AIDA: variants seen among roughly 807,000 people sequenced by gnomAD.
AIDA encodes the protein axin interactor, dorsalization associated.
A neutral mutation model predicts 42.7 loss-of-function variants in AIDA; 18 were observed. That is an observed-to-expected ratio of 0.42 (90% CI 0.29 to 0.63). The LOEUF (loss-of-function observed/expected upper bound fraction) is 0.63. Ranked by LOEUF, AIDA falls within the 20% of genes least tolerant of loss-of-function variation. The pLI is 0.19. For synonymous variants in AIDA, 104 were observed against 122.9 expected, an observed-to-expected ratio of 0.85 and a Z score of 1.02; for missense variants, 250 against 354.1, an observed-to-expected ratio of 0.71 and a Z score of 2.36.
intron 1 of AIDA, among the ~76,000 whole-genome samples, chr1:222,711,107 G>T (rs1468806694): frequency 1.3e-5 from 2 of 150,592 alleles, no homozygotes; most frequent in African/African-American, 4.9e-5. Flanking sequence ...GGGTGGGGGA[G>T]GCCGGGGGTA....
chr1:222,675,093 T>C (rs1462760151), intron 7 of AIDA, among the ~76,000 whole-genome samples: 3 of 152,184 alleles, frequency 2.0e-5, no homozygotes, highest in Non-Finnish European at 4.4e-5. Flanking sequence ...ATAATCCCTC[T>C]CTGTGGCAGA....
At chr1:222,691,494 T>A (rs1430738201) in intron 4 of AIDA, among the ~76,000 whole-genome samples, 1 of 152,138 alleles carries the variant, frequency 6.6e-6, no homozygotes, top group Non-Finnish European at 1.5e-5. Context: ...AAAGTACAAG[T>A]ATAAACCTAC....
intron 8 of AIDA, among the ~76,000 whole-genome samples, chr1:222,670,499 G>C (rs1300722365): frequency 1.3e-5 from 2 of 152,110 alleles, no homozygotes; most frequent in African/African-American, 2.4e-5. Flanking sequence ...TCTTGAGCTA[G>C]ACTGCCTCAA....
intron 6 of AIDA, among the ~76,000 whole-genome samples, chr1:222,682,303 A>C (rs1434447843): frequency 1.3e-5 from 2 of 152,152 alleles, no homozygotes; most frequent in Admixed American, 6.5e-5. Flanking sequence ...CAGAACGTTA[A>C]AGAGGCAATG....
intron 6 of AIDA, among the ~76,000 whole-genome samples, chr1:222,677,537 G>A (rs914567749): frequency 1.3e-5 from 2 of 152,126 alleles, no homozygotes; most frequent in African/African-American, 4.8e-5. Flanking sequence ...AAATATGACT[G>A]AGGCGCTAAA....
chr1:222,668,644 G>T lies in AIDA; in HGVS notation c.*1249C>A, dbSNP rs1420534648. The T allele has an allele frequency of 1.1e-5, 1 of 90,404 alleles. No homozygotes were observed. Among genetic ancestry groups the T allele is most frequent in the Non-Finnish European group, 2.2e-5 (1 of 45,996 alleles). 5.6% of individuals were successfully genotyped at this position (90,404 alleles called of 1,614,324 possible). A position where few individuals can be genotyped will look rare whatever the true frequency, so the allele number is the denominator to read the frequency against. On this transcript the variant is annotated 3_prime_UTR_variant, in exon 10 of 10. Coordinates refer to ENST00000340020, the MANE Select transcript of AIDA (RefSeq NM_022831.4). ...AAACATACTGAATGGTATGACTAGG[G>T]TGATTACACTAGTTTAAAAATAGGC...
At chr1:222,694,460 A>G (rs1050400552) in intron 2 of AIDA, among the ~76,000 whole-genome samples, 197 bp from the exon 3 acceptor site, 1 of 152,214 alleles carries the variant, frequency 6.6e-6, no homozygotes, top group Non-Finnish European at 1.5e-5. Flanking sequence ...AGGTGAGTAT[A>G]TATTCTCCCC....
intron 9 of AIDA, 53 bp from the exon 10 acceptor site, chr1:222,670,042 T>C: frequency 1.2e-6 from 2 of 1,612,082 alleles, no homozygotes; most frequent in Non-Finnish European, 1.7e-6. Context: ...AACTGAACTC[T>C]TCAAGGTTAA....
At chr1:222,703,905 G>C (rs979633188) in intron 1 of AIDA, among the ~76,000 whole-genome samples, 12 of 152,098 alleles carry the variant, frequency 7.9e-5, no homozygotes, top group Non-Finnish European at 1.6e-4. Context: ...GTATAGTTTA[G>C]TTTGTAAAAG....
intron 8 of AIDA, among the ~76,000 whole-genome samples, chr1:222,673,012 C>G (rs984471805): frequency 6.6e-6 from 1 of 152,212 alleles, no homozygotes; most frequent in African/African-American, 2.4e-5. Context: ...CATCAGGGAA[C>G]CTTCACGCAC....
intron 2 of AIDA, among the ~76,000 whole-genome samples, chr1:222,694,796 G>A (rs965119292): frequency 1.3e-5 from 2 of 152,084 alleles, no homozygotes; most frequent in East Asian, 3.8e-4. Context: ...TTAATGATAG[G>A]GCATAGATAG....
intron 1 of AIDA, among the ~76,000 whole-genome samples, chr1:222,710,600 C>CTA (rs1417403550): frequency 6.6e-6 from 1 of 152,164 alleles, no homozygotes; most frequent in African/African-American, 2.4e-5. Flanking sequence ...TACTAATTGG[C>CTA]TACAGTATGG....
Position 222,712,455 on chromosome 1 carries a change from G to C in AIDA, c.-138C>G. The C allele has an allele frequency of 7.0e-7, 1 of 1,429,328 alleles. No individual in the cohort carries two copies. Among genetic ancestry groups the C allele is most frequent in the Non-Finnish European group, 9.1e-7 (1 of 1,093,542 alleles). The allele number at this position is 1,429,328 out of a possible 1,614,324, so 88.5% of individuals were successfully genotyped here. A position where few individuals can be genotyped will look rare whatever the true frequency, so the allele number is the denominator to read the frequency against. ...GGCCACCACCGCCACCCGCCGAGGAGCCGCCCAAGCCCATTTGCCGCCACA... is the reference window on the plus strand; with the variant it reads ...GGCCACCACCGCCACCCGCCGAGGACCCGCCCAAGCCCATTTGCCGCCACA... On this transcript the variant is annotated 5_prime_UTR_variant, in exon 1 of 10. Coordinates refer to ENST00000340020, the MANE Select transcript of AIDA (RefSeq NM_022831.4).
chr1:222,693,981 G>GT, intron 3 of AIDA, 138 bp from the exon 4 acceptor site: 1 of 903,842 alleles, frequency 1.1e-6, no homozygotes, highest in Non-Finnish European at 1.6e-6. Flanking sequence ...TCCCAAACTG[G>GT]TTTTTGTTTA....
intron 4 of AIDA, among the ~76,000 whole-genome samples, chr1:222,690,690 T>TA (rs1655346549): frequency 6.7e-6 from 1 of 150,090 alleles, no homozygotes; most frequent in Admixed American, 6.7e-5. Context: ...GTATATAATC[T>TA]TATAATATAT....
intron 4 of AIDA, among the ~76,000 whole-genome samples, chr1:222,688,925 T>C (rs1469827743): frequency 6.6e-6 from 1 of 152,060 alleles, no homozygotes; most frequent in Non-Finnish European, 1.5e-5. Flanking sequence ...GAAGGCATTG[T>C]TATCATAGGA....
chr1:222,695,401 A>G (rs577529282), intron 2 of AIDA, among the ~76,000 whole-genome samples: 1 of 152,294 alleles, frequency 6.6e-6, no homozygotes, highest in African/African-American at 2.4e-5. Context: ...CTGAGGCGGG[A>G]GAATCGCTTA....
rs754090972 is a variant in AIDA at position 222,669,917 on chromosome 1, T to C, written c.897A>G (p.Leu299=). Reference sequence around the variant, plus strand: ...ATCATTCCTTGTGCAAAGTTTGATGTAGATGAAGATAAAGTGGTTTCTTGG... The same window carrying C: ...ATCATTCCTTGTGCAAAGTTTGATGCAGATGAAGATAAAGTGGTTTCTTGG... ...LLTKKPLYLH[L]HQTLHKE The change falls in exon 10 of 10, where the codon CTA becomes CTG. Residue 299 remains leucine, a synonymous_variant. Transcript: ENST00000340020. 1.5e-5 allele frequency: 24 copies of C among 1,612,012 alleles called. No individual in the cohort carries two copies. Among genetic ancestry groups the C allele is most frequent in the East Asian group, 2.2e-5 (1 of 44,842 alleles).
At chr1:222,687,251 G>A (rs1655220922) in intron 5 of AIDA, among the ~76,000 whole-genome samples, 1 of 152,016 alleles carries the variant, frequency 6.6e-6, no homozygotes, top group African/African-American at 2.4e-5. Flanking sequence ...GCAATACGGT[G>A]AAATCCCGTC....
Sources: allele counts gnomAD v4.1 joint callset (sites outside exome capture counted in the v4.1 genomes callset), GRCh38; gene constraint gnomAD v4.1.1; transcripts MANE v1.5; gene names NCBI Gene and HGNC (gene_info 2026-07-23, HGNC 2026-07-21).